Variants in FAM120C observed in about 807,000 individuals in gnomAD.
The protein encoded by FAM120C is constitutive coactivator of PPAR-gamma-like protein 2.
FAM120C carries 14 observed loss-of-function variants against 71.2 expected under a neutral mutation model. That is an observed-to-expected ratio of 0.20 (90% CI 0.13 to 0.31). The LOEUF (loss-of-function observed/expected upper bound fraction) is 0.31, where lower values mean the gene tolerates loss of function less well. FAM120C is among the 10% of genes least tolerant of loss of function. FAM120C has a pLI of 1.00. For synonymous variants in FAM120C, 354 were observed against 353.2 expected (o/e 1.00, Z -0.03); for missense variants, 500 against 879.0 (o/e 0.57, Z 5.45).
intron 1 of FAM120C, among the ~76,000 whole-genome samples, chrX:54,179,893 G>A (rs151096803): frequency 0.057 from 6,368 of 111,577 alleles, 245 homozygotes; most frequent in African/African-American, 0.13. Context: ...GAGGACTGCT[G>A]GGAATTTTTC....
At chrX:54,132,214 C>G (rs782162447) in intron 9 of FAM120C, among the ~76,000 whole-genome samples, 1 of 110,620 alleles carries the variant, frequency 9.0e-6, no homozygotes, top group East Asian at 2.8e-4. Flanking sequence ...CACAACCACG[C>G]CTAATTTTTT....
At chrX:54,079,347 C>T (rs958869190) in intron 15 of FAM120C, among the ~76,000 whole-genome samples, 2 of 108,729 alleles carry the variant, frequency 1.8e-5, no homozygotes, top group East Asian at 2.9e-4. Flanking sequence ...GACGGAGCTG[C>T]GAGGATTGCG....
chrX:54,128,643 G>A (rs782167267), intron 9 of FAM120C, among the ~76,000 whole-genome samples: 57 of 111,249 alleles, frequency 5.1e-4, no homozygotes, highest in Non-Finnish European at 8.7e-4. Flanking sequence ...TTGTGTCCCT[G>A]GGTACTTGAG....
chrX:54,085,832 G>A lies in FAM120C; in HGVS notation c.2722C>T (p.Leu908Phe), dbSNP rs1251027926. The A allele has an allele frequency of 7.4e-6, 9 of 1,209,803 alleles. No homozygotes were observed. The highest frequency in any genetic ancestry group is 1.7e-5 in the African/African-American group (1 of 57,202). ...GGAGGCACAAAAGTAGGTGACGGAA[G>A]TAGAGCAGAAGGCGGTGGATGATTC... is the stretch of plus-strand genomic sequence containing the variant. Reference protein sequence around the residue: ...NMNHPPPSALLPSPTFVPPMV... With the variant: ...NMNHPPPSALFPSPTFVPPMV... Residue 908 changes from leucine (L) to phenylalanine (F), a missense_variant, in exon 13 of 16, where the codon CTT becomes TTT. Transcript: ENST00000375180.
In FAM120C at chrX:54,069,555, T is replaced by C. The variant is rs1244224365; in HGVS notation, c.*3478A>G. The C allele has an allele frequency of 9.1e-6, 1 of 109,788 alleles. No homozygotes were observed. Among genetic ancestry groups the C allele is most frequent in the African/African-American group, 3.3e-5 (1 of 30,190 alleles). 9.0% of individuals were successfully genotyped at this position (109,788 alleles called of 1,213,427 possible). A position where few individuals can be genotyped will look rare whatever the true frequency, so the allele number is the denominator to read the frequency against. On this transcript the variant is annotated 3_prime_UTR_variant, in exon 16 of 16. Transcript: ENST00000375180. ...TAACCAAACAGCTACCCCCACATTC[T>C]TTCTATCCTACATAAGCATTCCTGC...
chrX:54,091,260 A>G (rs2066822802), intron 11 of FAM120C, 52 bp downstream of exon 11: 2 of 834,812 alleles, frequency 2.4e-6, no homozygotes, highest in Non-Finnish European at 3.5e-6. Flanking sequence ...GACCTAAAGT[A>G]GTGCCATAAG....
intron 15 of FAM120C, among the ~76,000 whole-genome samples, chrX:54,075,865 A>G (rs2066732687): frequency 9.1e-6 from 1 of 110,355 alleles, no homozygotes; most frequent in South Asian, 3.8e-4. Context: ...CTGTAATCCC[A>G]GCACTTCGGG....
intron 8 of FAM120C, 96 bp from the exon 9 acceptor site, chrX:54,132,959 G>A: frequency 1.5e-6 from 1 of 688,242 alleles, no homozygotes; most frequent in Non-Finnish European, 2.0e-6. Flanking sequence ...TAGCCTCTGT[G>A]GCCTACTAAA....
chrX:54,157,335 A>G (rs1300986645), intron 3 of FAM120C, among the ~76,000 whole-genome samples: 1 of 110,445 alleles, frequency 9.1e-6, no homozygotes, highest in Non-Finnish European at 1.9e-5. Context: ...GCTCACTGCA[A>G]TCTCTGCCTC....
At chrX:54,160,547 C>T (rs1301562345) in intron 1 of FAM120C, among the ~76,000 whole-genome samples, 7 of 111,424 alleles carry the variant, frequency 6.3e-5, no homozygotes, top group Admixed American at 3.9e-4. Flanking sequence ...CTGTTAAGTA[C>T]TCTTCCTGTA....
At chrX:54,117,640 G>C (rs2066978614) in intron 9 of FAM120C, among the ~76,000 whole-genome samples, 1 of 107,663 alleles carries the variant, frequency 9.3e-6, no homozygotes, top group Non-Finnish European at 1.9e-5. Context: ...GGAGATTGCA[G>C]TGAGCCAAGA....
At chrX:54,126,239 T>C (rs1251881639) in intron 9 of FAM120C, among the ~76,000 whole-genome samples, 7 of 112,174 alleles carry the variant, frequency 6.2e-5, no homozygotes, top group African/African-American at 2.3e-4. Context: ...CTTCCATTAG[T>C]ATGTTGAAGA....
chrX:54,148,937 A>AT (rs1291719704), intron 4 of FAM120C, among the ~76,000 whole-genome samples: 2 of 111,984 alleles, frequency 1.8e-5, no homozygotes, highest in East Asian at 5.6e-4. Context: ...TGCAATAAAT[A>AT]TATCTAATTT....
intron 1 of FAM120C, among the ~76,000 whole-genome samples, chrX:54,162,943 T>C (rs140115727): frequency 0.028 from 3,156 of 111,939 alleles, 120 homozygotes; most frequent in African/African-American, 0.098. Flanking sequence ...TTAGTCATTA[T>C]AGAAATGCCC....
intron 2 of FAM120C, 115 bp from the exon 3 acceptor site, chrX:54,157,886 T>C (rs1328320664): frequency 4.1e-6 from 2 of 482,960 alleles, no homozygotes; most frequent in Admixed American, 6.6e-5. Context: ...GTCTGTATTC[T>C]TAATGTAATA....
Position 54,182,956 on chromosome X carries a change from C to A in FAM120C, c.243G>T (p.Pro81=), listed in dbSNP as rs1557137756. 3 of 1,160,884 alleles carry A rather than the reference C, an allele frequency of 2.6e-6. No individual in the cohort carries two copies. The highest frequency in any genetic ancestry group is 3.4e-6 in the Non-Finnish European group (3 of 871,407). ...GGTGAGCGGGGTGATGGTGCCGAGTCGGCCCCGCGCCCCCGGAGTAGGCAC... is the reference window on the plus strand; with the variant it reads ...GGTGAGCGGGGTGATGGTGCCGAGTAGGCCCCGCGCCCCCGGAGTAGGCAC... ...ALGAYSGGAG[P]TRHHHPAHHF... The change falls in exon 1 of 16, where the codon CCG becomes CCT. Residue 81 remains proline (P), a synonymous_variant. Coordinates refer to ENST00000375180, the MANE Select transcript of FAM120C (RefSeq NM_017848.6).
At chrX:54,133,134 C>G (rs2067076778) in intron 8 of FAM120C, among the ~76,000 whole-genome samples, 1 of 111,431 alleles carries the variant, frequency 9.0e-6, no homozygotes, top group African/African-American at 3.3e-5. Flanking sequence ...GGTGGATCAC[C>G]TGAGGTCAGG....
intron 3 of FAM120C, among the ~76,000 whole-genome samples, chrX:54,155,197 G>A (rs1356766947): frequency 9.0e-6 from 1 of 111,133 alleles, no homozygotes; most frequent in Non-Finnish European, 1.9e-5. Flanking sequence ...GAATGAGACC[G>A]TGTCTCAAAA....
At chrX:54,079,784 C>T (rs2066755425) in intron 15 of FAM120C, among the ~76,000 whole-genome samples, 1 of 108,920 alleles carries the variant, frequency 9.2e-6, no homozygotes, top group Non-Finnish European at 1.9e-5. Flanking sequence ...GCAACAAGAG[C>T]GCAACTCCGT....
Sources: allele counts gnomAD v4.1 joint callset (sites outside exome capture counted in the v4.1 genomes callset), GRCh38; gene constraint gnomAD v4.1.1; transcripts MANE v1.5; gene names NCBI Gene and HGNC (gene_info 2026-07-23, HGNC 2026-07-21).